COPB1: variants seen among roughly 807,000 people sequenced by gnomAD.
COPB1 encodes coat protein complex I subunit beta 1, also known as coatomer subunit beta.
COPB1 carries 21 observed loss-of-function variants against 108.7 expected under a neutral mutation model. That is an observed-to-expected ratio of 0.19 (90% CI 0.14 to 0.28). COPB1 has a LOEUF of 0.28. COPB1 is among the 10% of genes least tolerant of loss of function. The probability of loss-of-function intolerance (pLI) is 1.00; values close to 1 mark genes in which losing one functional copy is unlikely to be tolerated. For missense variants in COPB1, 919 were observed against 1,141.3 expected (o/e 0.81, Z 2.81); for synonymous variants, 378 against 386.8 (o/e 0.98, Z 0.27).
chr11:14,474,501 C>T lies in COPB1; in HGVS notation c.1731G>A (p.Lys577=). Residue 577 remains lysine, a synonymous_variant, in exon 14 of 22, where the codon AAG becomes AAA. Transcript: ENST00000439561. ...RYVALVQEKK[K]QNSFVAEAML... is the part of the protein sequence containing the mutation. The stretch of plus-strand genomic sequence containing the variant: ...GTAAAATAAATGAACTTACATTTTG[C>T]TTTTTCTTCTCCTGAACCAAAGCTA... 1 of 1,611,954 alleles carries T rather than the reference C, an allele frequency of 6.2e-7. No homozygotes were observed. The highest frequency in any genetic ancestry group is 1.3e-5 in the African/African-American group (1 of 74,964).
chr11:14,479,743 GAACT>G (rs1417621606), intron 10 of COPB1, 29 bp from the exon 11 acceptor site: 1 of 1,533,510 alleles, frequency 6.5e-7, no homozygotes. Flanking sequence ...AAAGAAAATG[GAACT>G]AACAATTTTC....
chr11:14,473,083 T>G (rs931120943), intron 14 of COPB1, among the ~76,000 whole-genome samples: 4 of 152,158 alleles, frequency 2.6e-5, no homozygotes, highest in Non-Finnish European at 5.9e-5. Flanking sequence ...CAAACAATTC[T>G]CCTGCCTCAG....
intron 20 of COPB1, among the ~76,000 whole-genome samples, chr11:14,459,486 T>C (rs1589949855): frequency 6.6e-6 from 1 of 152,186 alleles, no homozygotes; most frequent in Admixed American, 6.5e-5. Flanking sequence ...GTTTTTTTCA[T>C]ACATACACAA....
intron 10 of COPB1, among the ~76,000 whole-genome samples, chr11:14,480,135 A>G (rs1345139573): frequency 6.6e-6 from 1 of 152,228 alleles, no homozygotes; most frequent in Non-Finnish European, 1.5e-5. Context: ...CAAATACACA[A>G]CAAAATGTAA....
intron 5 of COPB1, 151 bp downstream of exon 5, chr11:14,490,414 T>C: frequency 2.0e-6 from 1 of 495,430 alleles, no homozygotes. Context: ...AAGAAAAAAA[T>C]GTATTTTTCT....
At chr11:14,490,828 T>TCA in intron 4 of COPB1, 149 bp from the exon 5 acceptor site, 2 of 554,474 alleles carry the variant, frequency 3.6e-6, no homozygotes, top group Non-Finnish European at 6.3e-6. Flanking sequence ...CTCACTCTGT[T>TCA]GCCTGGGCTG....
chr11:14,464,994 G>A lies in COPB1; in HGVS notation c.2327C>T (p.Thr776Ile), dbSNP rs944954881. ...ATTTGCGAAGTCATGAGGAGCAAGA[G>A]TCAAAGGAGACGGCTTTTCCACAAG... is the stretch of plus-strand genomic sequence containing the variant. ...LKLVEKPSPL[T>I]LAPHDFANIK... The change falls in exon 18 of 22, where the codon ACT becomes ATT. Residue 776 changes from threonine (T) to isoleucine (I), a missense_variant. Coordinates refer to ENST00000439561, the MANE Select transcript of COPB1 (RefSeq NM_001144061.2). The A allele has an allele frequency of 2.5e-6, 4 of 1,613,044 alleles. No homozygotes were observed. The highest frequency in any genetic ancestry group is 1.7e-4 in the Middle Eastern group (1 of 6,030).
intron 15 of COPB1, among the ~76,000 whole-genome samples, 182 bp from the exon 16 acceptor site, chr11:14,469,042 C>A (rs1300006967): frequency 1.3e-5 from 2 of 152,100 alleles, no homozygotes; most frequent in South Asian, 2.1e-4. Context: ...GTTGCCCAGG[C>A]GGAGTGCAGT....
chr11:14,472,800 C>T (rs575541724), intron 14 of COPB1, among the ~76,000 whole-genome samples: 1 of 152,260 alleles, frequency 6.6e-6, no homozygotes, highest in Admixed American at 6.5e-5. Flanking sequence ...CCTCTGCTAG[C>T]TTCAAACTCT....
chr11:14,462,464 C>T (rs1042046589), intron 18 of COPB1, among the ~76,000 whole-genome samples: 1 of 152,100 alleles, frequency 6.6e-6, no homozygotes, highest in Admixed American at 6.5e-5. Context: ...GAACTCCTGA[C>T]CTCATGATCC....
intron 14 of COPB1, among the ~76,000 whole-genome samples, chr11:14,470,340 A>G (rs960237246): frequency 6.6e-6 from 1 of 152,196 alleles, no homozygotes; most frequent in Non-Finnish European, 1.5e-5. Context: ...CAAGGTACCT[A>G]AAGTTAGGCT....
chr11:14,493,092 G>C (rs552942102), intron 4 of COPB1, among the ~76,000 whole-genome samples: 2 of 152,292 alleles, frequency 1.3e-5, no homozygotes, highest in Non-Finnish European at 1.5e-5. Context: ...GTTGTTGTGA[G>C]CCGAGATCGC....
chr11:14,492,442 C>T (rs1033744345), intron 4 of COPB1, among the ~76,000 whole-genome samples: 10 of 152,084 alleles, frequency 6.6e-5, no homozygotes, highest in African/African-American at 1.7e-4. Flanking sequence ...CTCCCAGGTT[C>T]GAGCAATTCT....
At chr11:14,459,042 G>A (rs1384190282) in intron 20 of COPB1, among the ~76,000 whole-genome samples, 1 of 152,156 alleles carries the variant, frequency 6.6e-6, no homozygotes, top group Non-Finnish European at 1.5e-5. Flanking sequence ...TGCTGGGACT[G>A]CAGGTGTGAG....
chr11:14,466,463 G>C lies in COPB1; in HGVS notation c.2146-37C>G, dbSNP rs369663767. 6.3e-6 allele frequency: 10 copies of C among 1,588,446 alleles called. No individual in the cohort carries two copies. In the African/African-American group the frequency reaches 1.2e-4, roughly 19 times the overall value. On this transcript the variant is annotated intron_variant, in intron 16 of 21. Transcript: ENST00000439561. ...AAAACAAAGACATAATCAAATGACA[G>C]ATGCAATTTCACCAAACATACCCTG... is the stretch of plus-strand genomic sequence containing the variant.
intron 16 of COPB1, among the ~76,000 whole-genome samples, chr11:14,467,908 C>T (rs568530859): frequency 1.6e-4 from 25 of 152,120 alleles, no homozygotes; most frequent in African/African-American, 3.4e-4. Context: ...GTAGGAATGA[C>T]GAGTTATTGT....
intron 14 of COPB1, among the ~76,000 whole-genome samples, chr11:14,470,099 A>T (rs1167470425): frequency 6.6e-6 from 1 of 152,224 alleles, no homozygotes; most frequent in Non-Finnish European, 1.5e-5. Context: ...TATACTCTGA[A>T]TTCAAATAAA....
At chr11:14,491,073 C>T (rs1850889725) in intron 4 of COPB1, among the ~76,000 whole-genome samples, 1 of 151,860 alleles carries the variant, frequency 6.6e-6, no homozygotes, top group South Asian at 2.1e-4. Context: ...CAGGTGTGAG[C>T]CACCGTGCCC....
chr11:14,499,142 G>C (rs1851093664), intron 1 of COPB1, among the ~76,000 whole-genome samples, 157 bp from the exon 2 acceptor site: 1 of 151,926 alleles, frequency 6.6e-6, no homozygotes, highest in African/African-American at 2.4e-5. Context: ...TATCAGCTCT[G>C]GCATAAGGTA....
Sources: gnomAD v4.1 joint callset for allele counts (sites outside exome capture counted in the v4.1 genomes callset) on GRCh38, gnomAD v4.1.1 for gene constraint, MANE v1.5 for transcripts, NCBI Gene and HGNC (gene_info 2026-07-23, HGNC 2026-07-21) for gene names.